Variants in PAICS observed in about 807,000 individuals in gnomAD.
PAICS encodes bifunctional phosphoribosylaminoimidazole carboxylase/phosphoribosylaminoimidazole succinocarboxamide synthetase.
In PAICS, 33 loss-of-function variants were observed where a neutral mutation model predicts 53.7. The ratio of observed to expected loss-of-function variants is 0.61; its 90% CI spans 0.47 to 0.82. The LOEUF (loss-of-function observed/expected upper bound fraction) is 0.82. PAICS is among the 40% of genes least tolerant of loss of function. The pLI, the probability that PAICS is intolerant of heterozygous loss-of-function variation, is 0.00. For missense variants in PAICS, 394 were observed against 494.1 expected (o/e 0.80, Z 1.92); for synonymous variants, 141 against 167.2 (o/e 0.84, Z 1.21).
At chr4:56,434,083 A>G (rs1201735385), upstream of PAICS, among the ~76,000 whole-genome samples, 1 of 152,170 alleles carries the variant, frequency 6.6e-6, no homozygotes, top group Non-Finnish European at 1.5e-5. Flanking sequence ...TAATTTTCTC[A>G]ATAAACTTTT....
chr4:56,445,712 A>G (rs1437292373), intron 2 of PAICS, among the ~76,000 whole-genome samples: 2 of 152,252 alleles, frequency 1.3e-5, no homozygotes, highest in Non-Finnish European at 2.9e-5. Flanking sequence ...AGATACACAT[A>G]TAACAGCAAA....
chr4:56,412,246 CTA>C, the PAICS span, among the ~76,000 whole-genome samples: 111 of 152,100 alleles, frequency 7.3e-4, 1 homozygote, highest in Middle Eastern at 6.8e-3. Context: ...TACAACATAA[CTA>C]TGCACGTTTA....
At chr4:56,436,476 C>T (rs966043971) in intron 1 of PAICS, 148 bp downstream of exon 1, 15 of 733,472 alleles carry the variant, frequency 2.0e-5, no homozygotes, top group Non-Finnish European at 3.5e-5. Flanking sequence ...CCCAGGCGCT[C>T]CCGGGCCTCC....
the PAICS span, among the ~76,000 whole-genome samples, chr4:56,412,142 A>G: frequency 6.6e-6 from 1 of 152,098 alleles, no homozygotes; most frequent in African/African-American, 2.4e-5. Context: ...GTGGGTGCCA[A>G]TATCTCAACT....
In PAICS at chr4:56,459,859, T is replaced by A. The variant is rs186366013; in HGVS notation, c.*321T>A. The A allele has an allele frequency of 3.8e-5, 7 of 183,860 alleles. No individual in the cohort carries two copies. The highest frequency in any genetic ancestry group is 1.6e-4 in the African/African-American group (7 of 42,664). 11.4% of individuals were successfully genotyped at this position (183,860 alleles called of 1,614,324 possible). On this transcript the variant is annotated 3_prime_UTR_variant, in exon 9 of 9. Coordinates refer to ENST00000512576, the MANE Select transcript of PAICS (RefSeq NM_001079524.2). The stretch of plus-strand genomic sequence containing the variant: ...TTAACTCCCTCAGCTAAAACTGGCA[T>A]TACTGACTCCCAGCTATATTTCTCC...
At chr4:56,416,227 TA>T in the PAICS span, 1 of 152,780 alleles carries the variant, frequency 6.5e-6, no homozygotes, top group Non-Finnish European at 1.5e-5. Context: ...ATTTAAACTA[TA>T]TTATACAACT....
the PAICS span, among the ~76,000 whole-genome samples, chr4:56,415,003 AT>A: frequency 6.6e-6 from 1 of 152,142 alleles, no homozygotes; most frequent in East Asian, 1.9e-4. Context: ...ACTTATGTTT[AT>A]TTTTCATTTG....
chr4:56,421,261 ATGGGACCATGTAGT>A, the PAICS span: 2 of 158,482 alleles, frequency 1.3e-5, no homozygotes, highest in Non-Finnish European at 2.7e-5. Context: ...TCACTCCCAG[ATGGGACCATGTAGT>A]TGCAGGAAAA....
At chr4:56,413,876 G>A in the PAICS span, among the ~76,000 whole-genome samples, 3 of 152,084 alleles carry the variant, frequency 2.0e-5, no homozygotes, top group Non-Finnish European at 2.9e-5. Context: ...CAGCCTGGGC[G>A]ACAAGAGTAA....
the PAICS span, among the ~76,000 whole-genome samples, chr4:56,411,260 CA>C: frequency 6.6e-6 from 1 of 152,134 alleles, no homozygotes; most frequent in African/African-American, 2.4e-5. Flanking sequence ...GGAAAAATAT[CA>C]AAAACATTGC....
intron 8 of PAICS, among the ~76,000 whole-genome samples, chr4:56,457,987 A>G (rs1412646075): frequency 6.6e-6 from 1 of 152,188 alleles, no homozygotes; most frequent in Non-Finnish European, 1.5e-5. Context: ...ACAAGATGTG[A>G]TTATACAAAT....
rs1196959416 is a variant in PAICS, at chr4:56,459,454, A to G, written c.1194A>G (p.Val398=). Reference sequence around the variant, plus strand: ...TATTTGGGTTAAGCAACCATTTGGTATGGAGCAAACTGCGAGCAAGCATTT... The same window carrying G: ...TATTTGGGTTAAGCAACCATTTGGTGTGGAGCAAACTGCGAGCAAGCATTT... ...AQIFGLSNHL[V]WSKLRASILN... The change falls in exon 9 of 9, where the codon GTA becomes GTG. Residue 398 remains valine, a synonymous_variant. Transcript: ENST00000512576. 2 of 1,608,908 alleles carry G rather than the reference A, an allele frequency of 1.2e-6. No homozygotes were observed. Among genetic ancestry groups the G allele is most frequent in the African/African-American group, 2.7e-5 (2 of 75,022 alleles).
At chr4:56,410,990 CTG>C in the PAICS span, 1 of 853,338 alleles carries the variant, frequency 1.2e-6, no homozygotes, top group Non-Finnish European at 1.4e-6. Flanking sequence ...TTCAGGACTT[CTG>C]TGGCCATATG....
chr4:56,428,026 G>A, the PAICS span, among the ~76,000 whole-genome samples: 1 of 152,172 alleles, frequency 6.6e-6, no homozygotes, highest in African/African-American at 2.4e-5. Context: ...GATCACCTAT[G>A]ATGAAAAGCA....
At position 56,461,497 on chromosome 4, in the gene PAICS, A is replaced by C. The variant is rs775393243; in HGVS notation, c.*1959A>C. ...TCATTTAGACTGGTGGATAGGACTG[A>C]CCATTACAAATTGTCGTTATCAATT... On this transcript the variant is annotated 3_prime_UTR_variant, in exon 9 of 9. Transcript: ENST00000512576. 7 of 151,880 alleles carry C rather than the reference A, an allele frequency of 4.6e-5. No homozygotes were observed. Among genetic ancestry groups the C allele is most frequent in the Non-Finnish European group, 1.0e-4 (7 of 67,980 alleles). The allele number at this position is 151,880 out of a possible 1,614,324, so 9.4% of individuals were successfully genotyped here. A position where few individuals can be genotyped will look rare whatever the true frequency, so the allele number is the denominator to read the frequency against.
chr4:56,452,482 T>C (rs1163569907), intron 7 of PAICS, among the ~76,000 whole-genome samples: 3 of 152,218 alleles, frequency 2.0e-5, no homozygotes, highest in Non-Finnish European at 4.4e-5. Context: ...GCCGCTAGGC[T>C]TTCTTAATAC....
At chr4:56,426,272 C>T in the PAICS span, among the ~76,000 whole-genome samples, 2 of 152,080 alleles carry the variant, frequency 1.3e-5, no homozygotes, top group South Asian at 2.1e-4. Flanking sequence ...GTGGTGGCCG[C>T]GCACCTGTGG....
chr4:56,410,653 G>T, the PAICS span: 1 of 986,740 alleles, frequency 1.0e-6, no homozygotes, highest in Non-Finnish European at 1.2e-6. Flanking sequence ...TTGCTAAAAG[G>T]CTGCAATCAT....
chr4:56,414,266 G>A, the PAICS span: 1 of 152,192 alleles, frequency 6.6e-6, no homozygotes, highest in African/African-American at 2.4e-5. Context: ...CGGAAGAAGG[G>A]AAGAAAACGA....
Sources: allele counts gnomAD v4.1 joint callset (sites outside exome capture counted in the v4.1 genomes callset), GRCh38; gene constraint gnomAD v4.1.1; transcripts MANE v1.5; gene names NCBI Gene and HGNC (gene_info 2026-07-23, HGNC 2026-07-21).